SULF1: variants seen among roughly 807,000 people sequenced by gnomAD.
SULF1 encodes extracellular sulfatase Sulf-1.
SULF1 carries 46 observed loss-of-function variants against 110.5 expected under a neutral mutation model. That is an observed-to-expected ratio of 0.42 (90% CI 0.33 to 0.53). SULF1 has a LOEUF of 0.53. SULF1 is among the 20% of genes least tolerant of loss of function. The pLI is 0.12. For missense variants in SULF1, 941 were observed against 1,094.2 expected (o/e 0.86, Z 1.98); for synonymous variants, 371 against 387.1 (o/e 0.96, Z 0.49).
intron 8 of SULF1, among the ~76,000 whole-genome samples, chr8:69,591,544 A>G (rs956123416): frequency 6.6e-6 from 1 of 151,842 alleles, no homozygotes; most frequent in Non-Finnish European, 1.5e-5. Flanking sequence ...AGCCTCGGCG[A>G]CAGAGCAAGA....
At chr8:69,537,809 A>G (rs1813526983) in intron 3 of SULF1, among the ~76,000 whole-genome samples, 1 of 151,866 alleles carries the variant, frequency 6.6e-6, no homozygotes, top group African/African-American at 2.4e-5. Context: ...CGCTTTCTTC[A>G]CTCATTTTCA....
At chr8:69,514,037 G>A (rs1339118085) in intron 3 of SULF1, among the ~76,000 whole-genome samples, 2 of 152,258 alleles carry the variant, frequency 1.3e-5, no homozygotes, top group Admixed American at 1.3e-4. Context: ...TAATCTTTCT[G>A]GGCCTCCATT....
intron 22 of SULF1, among the ~76,000 whole-genome samples, chr8:69,656,492 C>T (rs1259431872): frequency 6.6e-6 from 1 of 152,144 alleles, no homozygotes; most frequent in Admixed American, 6.6e-5. Flanking sequence ...CCACAACAAG[C>T]CCCAGTGTTA....
chr8:69,568,394 T>C (rs564919128), intron 5 of SULF1, among the ~76,000 whole-genome samples: 1 of 152,352 alleles, frequency 6.6e-6, no homozygotes, highest in Non-Finnish European at 1.5e-5. Flanking sequence ...GCAGGAGCCC[T>C]TCCCTTCACT....
chr8:69,629,754 A>G (rs1168875491), intron 19 of SULF1, 75 bp downstream of exon 19: 1 of 1,296,230 alleles, frequency 7.7e-7, no homozygotes, highest in Admixed American at 2.3e-5. Flanking sequence ...TCAGAAATTC[A>G]GCATAAAATG....
intron 3 of SULF1, among the ~76,000 whole-genome samples, chr8:69,550,389 CA>C (rs1814609635): frequency 6.6e-6 from 1 of 152,026 alleles, no homozygotes; most frequent in Non-Finnish European, 1.5e-5. Flanking sequence ...TGGATATTAG[CA>C]AAAATTCTTG....
rs1206526775 is a variant in SULF1 at position 69,511,028 on chromosome 8, G to A, written c.-134+9060G>A. Among the ~76,000 whole-genome samples the A allele has an allele frequency of 3.3e-5, 5 of 150,956 alleles. No individual in the cohort carries two copies. The East Asian group carries it at 9.8e-4, about 30-fold the overall frequency. ...GGTATTCTGTAGAAACCTGTCTCAG[G>A]ACTCTGCACCCACCCTCTGGAAACC... On this transcript the variant is annotated intron_variant, in intron 3 of 22. Coordinates refer to ENST00000402687, the MANE Select transcript of SULF1 (RefSeq NM_001128205.2).
intron 3 of SULF1, among the ~76,000 whole-genome samples, chr8:69,526,904 T>C (rs1812735776): frequency 6.6e-6 from 1 of 151,926 alleles, no homozygotes; most frequent in Non-Finnish European, 1.5e-5. Flanking sequence ...AGGAAGAGGC[T>C]ACTTGAGTTT....
intron 3 of SULF1, among the ~76,000 whole-genome samples, chr8:69,532,610 A>T (rs1309149591): frequency 6.6e-6 from 1 of 152,266 alleles, no homozygotes; most frequent in Admixed American, 6.5e-5. Flanking sequence ...CAGCAAGAGA[A>T]TGAAAAAGAA....
intron 3 of SULF1, among the ~76,000 whole-genome samples, chr8:69,525,651 G>A (rs1472637197): frequency 6.6e-6 from 1 of 152,212 alleles, no homozygotes; most frequent in Non-Finnish European, 1.5e-5. Context: ...TCTATGCAGA[G>A]TGGATTTCGT....
intron 1 of SULF1, among the ~76,000 whole-genome samples, chr8:69,468,081 C>T (rs1012660035): frequency 6.6e-6 from 1 of 152,144 alleles, no homozygotes. Context: ...GATAGGTGAG[C>T]CAATGAGACT....
chr8:69,513,915 T>C (rs991013550), intron 3 of SULF1, among the ~76,000 whole-genome samples: 5 of 152,344 alleles, frequency 3.3e-5, no homozygotes, highest in Admixed American at 2.6e-4. Flanking sequence ...TGTATTTTTG[T>C]TGTTGTCTAA....
At chr8:69,583,765 C>A (rs1806252395) in intron 6 of SULF1, among the ~76,000 whole-genome samples, 2 of 152,142 alleles carry the variant, frequency 1.3e-5, no homozygotes, top group African/African-American at 4.8e-5. Flanking sequence ...AAAAAGCTTA[C>A]AGTCTAGCAG....
intron 10 of SULF1, 126 bp from the exon 11 acceptor site, chr8:69,603,066 C>T (rs1023735799): frequency 3.0e-6 from 4 of 1,352,512 alleles, no homozygotes; most frequent in Non-Finnish European, 4.1e-6. Flanking sequence ...CTACCCATGC[C>T]TAGGAGACCA....
intron 10 of SULF1, 35 bp downstream of exon 10, chr8:69,601,864 G>C (rs190347678): frequency 6.4e-7 from 1 of 1,566,224 alleles, no homozygotes; most frequent in South Asian, 1.2e-5. Context: ...TTCAACTGTC[G>C]TACCTCAAGT....
chr8:69,621,514 T>C (rs1230395842), intron 14 of SULF1, among the ~76,000 whole-genome samples: 1 of 152,172 alleles, frequency 6.6e-6, no homozygotes, highest in Non-Finnish European at 1.5e-5. Flanking sequence ...CATAAAAGAG[T>C]TTATAAAATG....
rs1351101082 is a variant in SULF1 at position 69,660,822 on chromosome 8, G to A, written c.*2287G>A. 1 of 152,556 alleles carries A rather than the reference G, an allele frequency of 6.6e-6. No individual in the cohort carries two copies. Among genetic ancestry groups the A allele is most frequent in the Non-Finnish European group, 1.5e-5 (1 of 68,008 alleles). 9.5% of individuals were successfully genotyped at this position (152,556 alleles called of 1,614,324 possible). On this transcript the variant is annotated 3_prime_UTR_variant, in exon 23 of 23. Transcript: ENST00000402687. ...GAAGCATACTCTGTTTTTTAATCATGTATAATATTCCATGATACTTTTATA... is the reference window on the plus strand; with the variant it reads ...GAAGCATACTCTGTTTTTTAATCATATATAATATTCCATGATACTTTTATA...
At chr8:69,498,113 C>CTCTCCA (rs71556768) in intron 2 of SULF1, among the ~76,000 whole-genome samples, 1 of 148,616 alleles carries the variant, frequency 6.7e-6, no homozygotes, top group Non-Finnish European at 1.5e-5. Flanking sequence ...CTCTCTCTCT[C>CTCTCCA]CACACACACA....
intron 8 of SULF1, among the ~76,000 whole-genome samples, chr8:69,590,764 G>T (rs964232118): frequency 6.6e-6 from 1 of 152,152 alleles, no homozygotes; most frequent in Non-Finnish European, 1.5e-5. Flanking sequence ...CAACTCCATG[G>T]GTGGATATTT....
Sources: gnomAD v4.1 joint callset for allele counts (sites outside exome capture counted in the v4.1 genomes callset) on GRCh38, gnomAD v4.1.1 for gene constraint, MANE v1.5 for transcripts, NCBI Gene and HGNC (gene_info 2026-07-23, HGNC 2026-07-21) for gene names.